The following TNPO1 variants were observed in gnomAD, a reference collection of about 807,000 sequenced individuals.
TNPO1 encodes the protein transportin-1.
Under a neutral mutation model 119.5 loss-of-function variants are expected in TNPO1, and 8 were observed. The ratio of observed to expected loss-of-function variants is 0.07; its 90% CI spans 0.04 to 0.12. The LOEUF (loss-of-function observed/expected upper bound fraction) is 0.12. Among genes scored for constraint, TNPO1 ranks in the 10% least tolerant of loss-of-function variants. The pLI, the probability that TNPO1 is intolerant of heterozygous loss-of-function variation, is 1.00. For missense variants in TNPO1, 576 were observed against 1,089.8 expected, an observed-to-expected ratio of 0.53 and a Z score of 6.64; for synonymous variants, 362 against 363.0, an observed-to-expected ratio of 1.00 and a Z score of 0.03.
At chr5:72,867,035 C>T (rs1178973467) in intron 6 of TNPO1, among the ~76,000 whole-genome samples, 1 of 151,726 alleles carries the variant, frequency 6.6e-6, no homozygotes, top group African/African-American at 2.4e-5. Context: ...AAAAAATTAG[C>T]TGAGTGTAGT....
intron 6 of TNPO1, among the ~76,000 whole-genome samples, chr5:72,870,931 C>G (rs979196657): frequency 6.6e-6 from 1 of 152,136 alleles, no homozygotes; most frequent in Admixed American, 6.6e-5. Flanking sequence ...TTAATCCCCC[C>G]AACAAATGAA....
At chr5:72,887,258 C>G (rs1748719396) in intron 12 of TNPO1, 36 bp downstream of exon 12, 1 of 1,172,804 alleles carries the variant, frequency 8.5e-7, no homozygotes, top group Non-Finnish European at 1.2e-6. Flanking sequence ...TGTAAGTTGG[C>G]TTCTTACTAC....
intron 20 of TNPO1, among the ~76,000 whole-genome samples, chr5:72,898,123 A>G (rs1347294499): frequency 6.6e-6 from 1 of 152,124 alleles, no homozygotes; most frequent in African/African-American, 2.4e-5. Flanking sequence ...ACAAAAATCT[A>G]TGTATAGGAT....
intron 1 of TNPO1, among the ~76,000 whole-genome samples, chr5:72,825,131 AG>A (rs1231092159): frequency 1.3e-5 from 2 of 152,182 alleles, no homozygotes; most frequent in East Asian, 3.9e-4. Flanking sequence ...CCCTTGTCCA[AG>A]CCACTACCAT....
chr5:72,848,817 G>T (rs1437389129), intron 2 of TNPO1, among the ~76,000 whole-genome samples: 1 of 149,580 alleles, frequency 6.7e-6, no homozygotes, highest in Non-Finnish European at 1.5e-5. Flanking sequence ...GGGCCGCCAC[G>T]TCCCCGCCCG....
chr5:72,887,333 T>G, intron 12 of TNPO1, 111 bp downstream of exon 12: 1 of 1,231,996 alleles, frequency 8.1e-7, no homozygotes, highest in East Asian at 2.4e-5. Flanking sequence ...TAACTAGTAT[T>G]AAACAGCCAT....
chr5:72,859,668 AGTTT>A (rs1746276418), intron 4 of TNPO1, among the ~76,000 whole-genome samples: 1 of 152,192 alleles, frequency 6.6e-6, no homozygotes, highest in Non-Finnish European at 1.5e-5. Context: ...GAGAGTATAC[AGTTT>A]GTTTGTAATT....
intron 21 of TNPO1, 117 bp from the exon 22 acceptor site, chr5:72,900,857 C>G: frequency 3.5e-6 from 2 of 570,876 alleles, no homozygotes; most frequent in Non-Finnish European, 2.8e-6. Context: ...CCGAAAAACT[C>G]TTTTAATATA....
chr5:72,865,386 G>A (rs1746802249), intron 5 of TNPO1, among the ~76,000 whole-genome samples: 1 of 115,910 alleles, frequency 8.6e-6, no homozygotes, highest in South Asian at 3.0e-4. Flanking sequence ...AAGTTGCAGT[G>A]ACCCGAGATG....
intron 7 of TNPO1, among the ~76,000 whole-genome samples, chr5:72,873,369 C>A (rs1747543581): frequency 6.6e-6 from 1 of 151,890 alleles, no homozygotes; most frequent in Non-Finnish European, 1.5e-5. Flanking sequence ...TTTAAAAGTC[C>A]CTTAGAAGTC....
rs1170723527 is a variant in TNPO1, at chr5:72,848,873, C to T, written c.129+375C>T. ...TAGGGAGCGGGCGGGCGGGAGCGGC[C>T]CGGGCCCACACAATGCGCCCCGTGG... On this transcript the variant is annotated intron_variant, in intron 2 of 24. Coordinates refer to ENST00000337273, the MANE Select transcript of TNPO1 (RefSeq NM_002270.4). Among the ~76,000 whole-genome samples the T allele has an allele frequency of 3.3e-5, 5 of 151,380 alleles. No individual in the cohort carries two copies. The South Asian group carries it at 1.0e-3, about 31-fold the overall frequency.
At chr5:72,895,078 C>T (rs914995269) in intron 18 of TNPO1, among the ~76,000 whole-genome samples, 4 of 152,198 alleles carry the variant, frequency 2.6e-5, no homozygotes, top group African/African-American at 9.7e-5. Context: ...TCAAACACAG[C>T]ATTTGAAGTC....
At chr5:72,831,725 A>G (rs1436372160) in intron 1 of TNPO1, among the ~76,000 whole-genome samples, 1 of 151,940 alleles carries the variant, frequency 6.6e-6, no homozygotes, top group African/African-American at 2.4e-5. Context: ...GAGCTTTGCA[A>G]AAGTTGAATC....
Position 72,877,377 on chromosome 5 carries a change from GTTC to G in TNPO1, c.920+34_920+36del, listed in dbSNP as rs774153914. 1.1e-5 allele frequency: 12 copies of G among 1,067,010 alleles called. No homozygotes were observed. The Admixed American group carries it at 1.3e-4, about 12-fold the overall frequency. 66.1% of individuals were successfully genotyped at this position (1,067,010 alleles called of 1,614,324 possible). Reference sequence around the variant, plus strand: ...TGTTCCCTCTTATAAATGCTGCCTTGTTCTTTAATTTCTTAAGTGATTCTTCAT... The same window carrying G: ...TGTTCCCTCTTATAAATGCTGCCTTGTTTAATTTCTTAAGTGATTCTTCAT... On this transcript the variant is annotated intron_variant, in intron 9 of 24. Coordinates refer to ENST00000337273, the MANE Select transcript of TNPO1 (RefSeq NM_002270.4).
intron 1 of TNPO1, among the ~76,000 whole-genome samples, chr5:72,832,558 C>T (rs527664300): frequency 7.9e-5 from 12 of 152,074 alleles, no homozygotes; most frequent in Non-Finnish European, 1.6e-4. Context: ...TGTTGTAGGT[C>T]CTTTGAGATA....
chr5:72,845,341 A>G (rs926609761), intron 1 of TNPO1, among the ~76,000 whole-genome samples: 12 of 152,152 alleles, frequency 7.9e-5, no homozygotes, highest in Non-Finnish European at 1.0e-4. Context: ...AATGATTTCT[A>G]CCTCATATAA....
At chr5:72,827,247 T>C (rs949333901) in intron 1 of TNPO1, among the ~76,000 whole-genome samples, 1 of 152,178 alleles carries the variant, frequency 6.6e-6, no homozygotes, top group Non-Finnish European at 1.5e-5. Flanking sequence ...TACTAGGTGA[T>C]AAGTTCAGAG....
At chr5:72,862,013 C>T in intron 5 of TNPO1, 99 bp downstream of exon 5, 1 of 767,714 alleles carries the variant, frequency 1.3e-6, no homozygotes, top group Non-Finnish European at 2.1e-6. Context: ...CTGAAACATA[C>T]AGCTTCTCAA....
chr5:72,874,525 C>T (rs1297760518), intron 7 of TNPO1, among the ~76,000 whole-genome samples: 3 of 152,094 alleles, frequency 2.0e-5, no homozygotes, highest in African/African-American at 7.2e-5. Context: ...GGAGGATGTA[C>T]TGTTAATGGC....
Sources: gnomAD v4.1 joint callset for allele counts (sites outside exome capture counted in the v4.1 genomes callset) on GRCh38, gnomAD v4.1.1 for gene constraint, MANE v1.5 for transcripts, NCBI Gene and HGNC (gene_info 2026-07-23, HGNC 2026-07-21) for gene names.